OTOP3: variants seen among roughly 807,000 people sequenced by gnomAD.
OTOP3 encodes otopetrin 3.
In OTOP3, 41 loss-of-function variants were observed where a neutral mutation model predicts 50.8. The ratio of observed to expected loss-of-function variants is 0.81; its 90% CI spans 0.63 to 1.05. The LOEUF (loss-of-function observed/expected upper bound fraction) is 1.05, where lower values mean the gene tolerates loss of function less well. Among genes scored for constraint, OTOP3 ranks in the 50% least tolerant of loss-of-function variants. OTOP3 has a pLI of 0.00. For missense variants in OTOP3, 788 were observed against 760.8 expected (o/e 1.04, Z -0.42); for synonymous variants, 320 against 324.4 (o/e 0.99, Z 0.14).
In OTOP3 at chr17:74,943,354, C is replaced by T; in HGVS notation, c.632+10C>T. On this transcript the variant is annotated intron_variant, in intron 4 of 6. Transcript: ENST00000328801. ...AGACCAACTTCACTAGGTAAGACTTCTCTCCCTCCCAAACCCTCTGGCCTC... is the reference window on the plus strand; with the variant it reads ...AGACCAACTTCACTAGGTAAGACTTTTCTCCCTCCCAAACCCTCTGGCCTC... 1 of 1,612,476 alleles carries T rather than the reference C, an allele frequency of 6.2e-7. No homozygotes were observed. The highest frequency in any genetic ancestry group is 8.5e-7 in the Non-Finnish European group (1 of 1,178,456).
chr17:74,940,207 ATG>A (rs1256440375), intron 1 of OTOP3, among the ~76,000 whole-genome samples: 5 of 119,022 alleles, frequency 4.2e-5, no homozygotes, highest in African/African-American at 1.7e-4. Context: ...GTGTCTTCCT[ATG>A]TTAGCCAGGC....
Position 74,949,515 on chromosome 17 carries a change from C to T in OTOP3, c.*99C>T. 2 of 1,392,926 alleles carry T rather than the reference C, an allele frequency of 1.4e-6. No individual in the cohort carries two copies. Among genetic ancestry groups the T allele is most frequent in the South Asian group, 1.4e-5 (1 of 73,934 alleles). The allele number at this position is 1,392,926 out of a possible 1,614,324, so 86.3% of individuals were successfully genotyped here. A position where few individuals can be genotyped will look rare whatever the true frequency, so the allele number is the denominator to read the frequency against. On this transcript the variant is annotated 3_prime_UTR_variant, in exon 7 of 7. Coordinates refer to ENST00000328801, the MANE Select transcript of OTOP3 (RefSeq NM_001272005.2). ...CCTCATTCTGAGGTGCCGAGACCAGCCTGAGGCTCTCAAGGCCTCCTGCTC... is the reference window on the plus strand; with the variant it reads ...CCTCATTCTGAGGTGCCGAGACCAGTCTGAGGCTCTCAAGGCCTCCTGCTC...
rs755706674 is a variant in OTOP3, at chr17:74,946,853, A to G, written c.944A>G (p.His315Arg). The G allele has an allele frequency of 6.2e-7, 1 of 1,610,546 alleles. No homozygotes were observed. The highest frequency in any genetic ancestry group is 1.1e-5 in the South Asian group (1 of 91,070). Residue 315 changes from histidine (H) to arginine (R), a missense_variant, in exon 6 of 7, where the codon CAC becomes CGC. His to Arg is a conservative substitution (Grantham distance 29, BLOSUM62 0). Transcript: ENST00000328801. ...GCCCACCCTGCCACCGCACCCTTCC[A>G]CCTGCACGGGGCCATCTTCGGGCCG... ...MGAHPATAPF[H>R]LHGAIFGPLL...
chr17:74,944,854 ATTTATT>A (rs1304175517), intron 5 of OTOP3, among the ~76,000 whole-genome samples: 1 of 152,168 alleles, frequency 6.6e-6, no homozygotes, highest in African/African-American at 2.4e-5. Context: ...GGCCATATTT[ATTTATT>A]TTTAATTTTT....
chr17:74,947,938 G>C (rs1181572702), intron 6 of OTOP3, among the ~76,000 whole-genome samples: 1 of 152,180 alleles, frequency 6.6e-6, no homozygotes, highest in Non-Finnish European at 1.5e-5. Context: ...TCACAGAGGA[G>C]GAAACTAAGG....
intron 3 of OTOP3, among the ~76,000 whole-genome samples, chr17:74,942,789 A>C (rs1186828385): frequency 6.7e-6 from 1 of 150,272 alleles, no homozygotes; most frequent in Non-Finnish European, 1.5e-5. Context: ...AAAATACAAA[A>C]ACAAAATTAG....
At chr17:74,937,951 G>A (rs1355544003) in intron 1 of OTOP3, among the ~76,000 whole-genome samples, 1 of 152,134 alleles carries the variant, frequency 6.6e-6, no homozygotes, top group African/African-American at 2.4e-5. Context: ...AGAAAGAAGA[G>A]CAGTGTCCAG....
intron 1 of OTOP3, among the ~76,000 whole-genome samples, chr17:74,936,961 C>CCCCTT (rs1555629576): frequency 9.9e-6 from 1 of 101,308 alleles, no homozygotes; most frequent in Non-Finnish European, 2.0e-5. Context: ...CCCCCCCACC[C>CCCCTT]TTTTTTTTTT....
In OTOP3 at chr17:74,947,062, G is replaced by C. The variant is rs2039234498; in HGVS notation, c.1153G>C (p.Glu385Gln). Residue 385 changes from glutamate (E) to glutamine (Q), a missense_variant, in exon 6 of 7, where the codon GAG (glutamate) becomes CAG (glutamine). Transcript: ENST00000328801. ...AGCCATACACGGGCTGGAGGAGAGA[G>C]AGCTGGACACGGTCAAGAACCCTAC... ...GTAIHGLEER[E>Q]LDTVKNPTRS... is the part of the protein sequence containing the mutation. 2 of 1,614,118 alleles carry C rather than the reference G, an allele frequency of 1.2e-6. No individual in the cohort carries two copies. Among genetic ancestry groups the C allele is most frequent in the Non-Finnish European group, 8.5e-7 (1 of 1,180,054 alleles).
Position 74,941,538 on chromosome 17 carries a change from C to T in OTOP3, c.165C>T (p.Phe55=). The T allele has an allele frequency of 6.2e-7, 1 of 1,613,884 alleles. No homozygotes were observed. The highest frequency in any genetic ancestry group is 8.5e-7 in the Non-Finnish European group (1 of 1,179,842). Residue 55 remains phenylalanine, a synonymous_variant, in exon 2 of 7, where the codon TTC becomes TTT. Coordinates refer to ENST00000328801, the MANE Select transcript of OTOP3 (RefSeq NM_001272005.2). ...AGAAGTCCTGGCTGGTGAGGCATTT[C>T]TCTCTGCTGCTGCGGCGGGACCGGC... ...PRQKSWLVRH[F]SLLLRRDRQA...
chr17:74,937,165 A>G (rs1288575431), intron 1 of OTOP3, among the ~76,000 whole-genome samples: 2 of 151,822 alleles, frequency 1.3e-5, no homozygotes, highest in African/African-American at 2.4e-5. Context: ...GGGTTTTGCC[A>G]TGTTCCCCAG....
At position 74,949,593 on chromosome 17, in the gene OTOP3, A is replaced by G. The variant is rs2039264032; in HGVS notation, c.*177A>G. The G allele has an allele frequency of 1.4e-6, 1 of 705,842 alleles. No individual in the cohort carries two copies. The highest frequency in any genetic ancestry group is 2.3e-6 in the Non-Finnish European group (1 of 437,162). 43.7% of individuals were successfully genotyped at this position (705,842 alleles called of 1,614,324 possible). On this transcript the variant is annotated 3_prime_UTR_variant, in exon 7 of 7. Coordinates refer to ENST00000328801, the MANE Select transcript of OTOP3 (RefSeq NM_001272005.2). ...CTGCCTAGAGCCAGAGGCCAACAGCAGGGGCCTGGACACTGAGCTTCTGAT... is the reference window on the plus strand; with the variant it reads ...CTGCCTAGAGCCAGAGGCCAACAGCGGGGGCCTGGACACTGAGCTTCTGAT...
chr17:74,942,064 C>T (rs749325942), intron 3 of OTOP3, 27 bp downstream of exon 3: 1 of 1,585,778 alleles, frequency 6.3e-7, no homozygotes, highest in Admixed American at 1.7e-5. Flanking sequence ...GTCCCCACAT[C>T]ACCGAGGACA....
rs1285940677 is a variant in OTOP3 at position 74,943,335 on chromosome 17, A to G, written c.623A>G (p.Asn208Ser). 6.2e-7 allele frequency: 1 copy of G among 1,614,034 alleles called. No homozygotes were observed. Among genetic ancestry groups the G allele is most frequent in the Non-Finnish European group, 8.5e-7 (1 of 1,179,882 alleles). Residue 208 changes from asparagine to serine, a missense_variant, in exon 4 of 7, where the codon AAC becomes AGC. Coordinates refer to ENST00000328801, the MANE Select transcript of OTOP3 (RefSeq NM_001272005.2). ...HCKDCVRVQT[N>S]FTRCGLMLTL... ...AAAGACTGTGTTCGGGTCCAGACCA[A>G]CTTCACTAGGTAAGACTTCTCTCCC...
Position 74,943,292 on chromosome 17 carries a change from G to A in OTOP3, c.580G>A (p.Val194Met), listed in dbSNP as rs1297519301. The A allele has an allele frequency of 1.9e-6, 3 of 1,614,086 alleles. No homozygotes were observed. In the Admixed American group the frequency reaches 5.0e-5, roughly 27 times the overall value. Residue 194 changes from valine (V) to methionine (M), a missense_variant, in exon 4 of 7, where the codon GTG becomes ATG. Coordinates refer to ENST00000328801, the MANE Select transcript of OTOP3 (RefSeq NM_001272005.2). The stretch of plus-strand genomic sequence containing the variant: ...AAGGCCCTGTCTCTTTCAGACCTGG[G>A]TGCTCTGGAAACACTGCAAAGACTG... ...EMVFIGVQTW[V>M]LWKHCKDCVR...
intron 6 of OTOP3, among the ~76,000 whole-genome samples, chr17:74,949,029 C>T (rs1312020570): frequency 6.6e-6 from 1 of 152,112 alleles, no homozygotes; most frequent in Non-Finnish European, 1.5e-5. Flanking sequence ...GGCAAGCTCA[C>T]AGAGATGGCT....
chr17:74,949,526 C>A lies in OTOP3; in HGVS notation c.*110C>A. 1.6e-6 allele frequency: 2 copies of A among 1,254,914 alleles called. No individual in the cohort carries two copies. Among genetic ancestry groups the A allele is most frequent in the Non-Finnish European group, 2.2e-6 (2 of 915,922 alleles). The allele number at this position is 1,254,914 out of a possible 1,614,324, so 77.7% of individuals were successfully genotyped here. On this transcript the variant is annotated 3_prime_UTR_variant, in exon 7 of 7. Coordinates refer to ENST00000328801, the MANE Select transcript of OTOP3 (RefSeq NM_001272005.2). The stretch of plus-strand genomic sequence containing the variant: ...GGTGCCGAGACCAGCCTGAGGCTCT[C>A]AAGGCCTCCTGCTCCCCAGAGCCTC...
intron 1 of OTOP3, among the ~76,000 whole-genome samples, chr17:74,939,732 C>T (rs1442483391): frequency 2.0e-5 from 3 of 152,034 alleles, no homozygotes; most frequent in African/African-American, 7.3e-5. Flanking sequence ...ACTCGTGGGA[C>T]TTCCGGGAGT....
At chr17:74,937,654 C>T (rs2039132644) in intron 1 of OTOP3, among the ~76,000 whole-genome samples, 1 of 152,172 alleles carries the variant, frequency 6.6e-6, no homozygotes, top group African/African-American at 2.4e-5. Context: ...GGTCTCTGTC[C>T]ACAGCTCTGG....
Sources: allele counts gnomAD v4.1 joint callset (sites outside exome capture counted in the v4.1 genomes callset), GRCh38; gene constraint gnomAD v4.1.1; transcripts MANE v1.5; gene names NCBI Gene and HGNC (gene_info 2026-07-23, HGNC 2026-07-21).